The following PTPRJ variants were observed in gnomAD, a reference collection of about 807,000 sequenced individuals.
PTPRJ encodes the protein receptor-type tyrosine-protein phosphatase eta.
In PTPRJ, 129 loss-of-function variants were observed where a neutral mutation model predicts 141.3. The observed-to-expected ratio is 0.91, with a 90% CI of 0.79 to 1.06. The LOEUF is 1.06. Ranked by LOEUF, PTPRJ falls within the 50% of genes least tolerant of loss-of-function variation. The pLI is 0.00. For missense variants in PTPRJ, 1,601 were observed against 1,679.7 expected, an observed-to-expected ratio of 0.95 and a Z score of 0.82; for synonymous variants, 610 against 640.5, an observed-to-expected ratio of 0.95 and a Z score of 0.72.
chr11:48,121,374 A>G, intron 4 of PTPRJ, 108 bp downstream of exon 4: 1 of 1,244,682 alleles, frequency 8.0e-7, no homozygotes, highest in Non-Finnish European at 1.1e-6. Flanking sequence ...GTTTTCATAA[A>G]CTAGAAGAGG....
In PTPRJ at chr11:48,168,817, A is replaced by G. The variant is rs1857988301; in HGVS notation, c.*1455A>G. ...ACATAATCTGTAAACTTCTTAAGGCATTAACATGAAAAGATTTTTTCTTTT... is the reference window on the plus strand; with the variant it reads ...ACATAATCTGTAAACTTCTTAAGGCGTTAACATGAAAAGATTTTTTCTTTT... On this transcript the variant is annotated 3_prime_UTR_variant, in exon 25 of 25. Coordinates refer to ENST00000418331, the MANE Select transcript of PTPRJ (RefSeq NM_002843.4). 6.6e-6 allele frequency: 1 copy of G among 150,732 alleles called. No homozygotes were observed. Among genetic ancestry groups the G allele is most frequent in the Non-Finnish European group, 1.5e-5 (1 of 67,760 alleles). The allele number at this position is 150,732 out of a possible 1,614,324, so 9.3% of individuals were successfully genotyped here. A position where few individuals can be genotyped will look rare whatever the true frequency, so the allele number is the denominator to read the frequency against.
intron 1 of PTPRJ, among the ~76,000 whole-genome samples, chr11:48,097,427 GT>G (rs1226341859): frequency 6.6e-6 from 1 of 152,128 alleles, no homozygotes; most frequent in African/African-American, 2.4e-5. Context: ...TACATCTGTT[GT>G]TTTTTAAGAT....
chr11:48,039,413 GTCTT>G (rs1467113994), intron 1 of PTPRJ, among the ~76,000 whole-genome samples: 1 of 151,658 alleles, frequency 6.6e-6, no homozygotes, highest in Non-Finnish European at 1.5e-5. Context: ...ATTTAGGTCT[GTCTT>G]GTTCTGCAGT....
At chr11:48,071,902 A>ATT (rs35087042) in intron 1 of PTPRJ, among the ~76,000 whole-genome samples, 7,185 of 82,512 alleles carry the variant, frequency 0.087, 992 homozygotes, top group African/African-American at 0.21. Context: ...ACGCCTGGCC[A>ATT]TTTTTTTTTT....
chr11:48,004,301 C>T (rs550212073), intron 1 of PTPRJ, among the ~76,000 whole-genome samples: 1 of 152,190 alleles, frequency 6.6e-6, no homozygotes, highest in Non-Finnish European at 1.5e-5. Flanking sequence ...TCCCCTGCGT[C>T]CTCCCTACCC....
At chr11:48,105,940 A>G (rs148710682) in intron 1 of PTPRJ, among the ~76,000 whole-genome samples, 230 of 152,164 alleles carry the variant, frequency 1.5e-3, no homozygotes, top group South Asian at 3.3e-3. Flanking sequence ...CTACCCCAGG[A>G]TTCTTGCCCA....
chr11:48,084,560 T>G (rs1855646469), intron 1 of PTPRJ, among the ~76,000 whole-genome samples: 1 of 152,206 alleles, frequency 6.6e-6, no homozygotes, highest in East Asian at 1.9e-4. Context: ...CTTGCTTAGT[T>G]CTGATTGGCT....
chr11:48,108,580 C>T (rs879284547), intron 1 of PTPRJ, among the ~76,000 whole-genome samples: 5 of 152,112 alleles, frequency 3.3e-5, no homozygotes, highest in African/African-American at 7.2e-5. Context: ...CAAGTATAGC[C>T]TCCCACAGTG....
chr11:48,117,571 A>AAAAAAC (rs1350508410), intron 3 of PTPRJ, among the ~76,000 whole-genome samples: 1 of 123,484 alleles, frequency 8.1e-6, no homozygotes, highest in Non-Finnish European at 1.8e-5. Context: ...AAAAAAAAAA[A>AAAAAAC]AAAAGCAAGC....
intron 1 of PTPRJ, among the ~76,000 whole-genome samples, chr11:48,049,829 G>A (rs1482696316): frequency 1.3e-5 from 2 of 152,126 alleles, no homozygotes; most frequent in Non-Finnish European, 2.9e-5. Context: ...TTAATGTGGG[G>A]TAACCTTTCA....
intron 1 of PTPRJ, among the ~76,000 whole-genome samples, chr11:48,032,614 T>C (rs997478996): frequency 1.1e-4 from 17 of 151,908 alleles, no homozygotes; most frequent in African/African-American, 3.9e-4. Context: ...ACAGAATTAG[T>C]CGGGCGTGGT....
At chr11:47,996,749 A>G (rs1048610491) in intron 1 of PTPRJ, among the ~76,000 whole-genome samples, 4 of 152,218 alleles carry the variant, frequency 2.6e-5, no homozygotes, top group African/African-American at 9.7e-5. Context: ...CAGGTGTTCA[A>G]ACAACTTTTG....
At chr11:48,013,103 CAAAAAAAAAA>C (rs5791798) in intron 1 of PTPRJ, among the ~76,000 whole-genome samples, 3 of 90,110 alleles carry the variant, frequency 3.3e-5, no homozygotes, top group Non-Finnish European at 7.0e-5. Flanking sequence ...GACTCTGTGT[CAAAAAAAAAA>C]AAAAAAAAAA....
intron 8 of PTPRJ, 83 bp from the exon 9 acceptor site, chr11:48,135,956 A>G: frequency 6.8e-7 from 1 of 1,477,086 alleles, no homozygotes. Flanking sequence ...GCAAAAGAGC[A>G]GGTCCTCTCG....
intron 1 of PTPRJ, among the ~76,000 whole-genome samples, chr11:48,081,420 A>C (rs1487265441): frequency 1.3e-5 from 2 of 152,196 alleles, no homozygotes; most frequent in Admixed American, 6.5e-5. Context: ...CTGGCAAGGC[A>C]AACAGGGAGG....
At chr11:48,075,106 T>C (rs550399267) in intron 1 of PTPRJ, among the ~76,000 whole-genome samples, 30 of 152,092 alleles carry the variant, frequency 2.0e-4, no homozygotes, top group Admixed American at 4.6e-4. Flanking sequence ...TGTTAACAAC[T>C]AGCAGTTACA....
intron 18 of PTPRJ, among the ~76,000 whole-genome samples, chr11:48,152,348 C>T (rs1264711865): frequency 1.3e-5 from 2 of 152,056 alleles, no homozygotes; most frequent in African/African-American, 4.8e-5. Flanking sequence ...TGGATATTAG[C>T]CCTTTGTCAG....
At chr11:48,005,427 T>A (rs1784402858) in intron 1 of PTPRJ, among the ~76,000 whole-genome samples, 1 of 152,200 alleles carries the variant, frequency 6.6e-6, no homozygotes, top group Non-Finnish European at 1.5e-5. Context: ...TCTATGTATT[T>A]CATGTGAGTA....
intron 1 of PTPRJ, among the ~76,000 whole-genome samples, chr11:48,080,099 A>G (rs1321225372): frequency 6.6e-6 from 1 of 152,136 alleles, no homozygotes; most frequent in Non-Finnish European, 1.5e-5. Flanking sequence ...CCTTTAGAGA[A>G]ATTAAGTCTT....
Sources: gnomAD v4.1 joint callset for allele counts (sites outside exome capture counted in the v4.1 genomes callset) on GRCh38, gnomAD v4.1.1 for gene constraint, MANE v1.5 for transcripts, NCBI Gene and HGNC (gene_info 2026-07-23, HGNC 2026-07-21) for gene names.